Variants in IGF1R observed in about 807,000 individuals in gnomAD.
IGF1R encodes insulin-like growth factor 1 receptor.
IGF1R carries 44 observed loss-of-function variants against 144.6 expected under a neutral mutation model. That is an observed-to-expected ratio of 0.30 (90% confidence interval 0.24 to 0.39). The LOEUF (loss-of-function observed/expected upper bound fraction) is 0.39. Among genes scored for constraint, IGF1R ranks in the 10% least tolerant of loss-of-function variants. The pLI is 1.00. For synonymous variants in IGF1R, 795 were observed against 722.8 expected (o/e 1.10, Z -1.60); for missense variants, 1,355 against 1,833.7 (o/e 0.74, Z 4.77).
chr15:98,701,796 AC>A (rs1416108491), intron 1 of IGF1R, among the ~76,000 whole-genome samples: 1 of 152,170 alleles, frequency 6.6e-6, no homozygotes, highest in Non-Finnish European at 1.5e-5. Flanking sequence ...AGTAATATTT[AC>A]ATTGGGGCAA....
At chr15:98,725,139 G>T (rs1268572152) in intron 2 of IGF1R, among the ~76,000 whole-genome samples, 1 of 152,114 alleles carries the variant, frequency 6.6e-6, no homozygotes, top group African/African-American at 2.4e-5. Context: ...ACTCTCAGGG[G>T]CCCTGGATCT....
chr15:98,665,231 G>GT (rs1345003203), intron 1 of IGF1R, among the ~76,000 whole-genome samples: 1 of 152,116 alleles, frequency 6.6e-6, no homozygotes, highest in Non-Finnish European at 1.5e-5. Context: ...GATTAAAGGC[G>GT]TGAGCCACCG....
rs566367276 is a variant in IGF1R at position 98,938,221 on chromosome 15, T to C, written c.3298-980T>C. The stretch of plus-strand genomic sequence containing the variant: ...TCAGTGAAACCACTGTGATACCCCA[T>C]GTGGAAAAGCCTGGGCATGCTCAGC... On this transcript the variant is annotated intron_variant, in intron 17 of 20. Coordinates refer to ENST00000650285, the MANE Select transcript of IGF1R (RefSeq NM_000875.5). Among the ~76,000 whole-genome samples the C allele has an allele frequency of 2.6e-5, 4 of 152,306 alleles. No homozygotes were observed. In the South Asian group the frequency reaches 8.3e-4, roughly 32 times the overall value.
At chr15:98,663,535 C>T (rs1480918680) in intron 1 of IGF1R, among the ~76,000 whole-genome samples, 2 of 152,354 alleles carry the variant, frequency 1.3e-5, no homozygotes, top group African/African-American at 4.8e-5. Context: ...TGGAGTAATA[C>T]GCCCTCCTAT....
Position 98,829,558 on chromosome 15 carries a change from G to A in IGF1R, c.641-61767G>A, listed in dbSNP as rs76689836. On this transcript the variant is annotated intron_variant, in intron 2 of 20. Coordinates refer to ENST00000650285, the MANE Select transcript of IGF1R (RefSeq NM_000875.5). ...TGGGGGATGATGTCTGCTTTGCTTC[G>A]TTTTGTGGAATAATTTTTAACATTT... Among the ~76,000 whole-genome samples, 212 of 152,226 alleles carry A rather than the reference G, an allele frequency of 1.4e-3. 5 individuals are homozygous for A. The East Asian group carries it at 0.037, about 27-fold the overall frequency.
At chr15:98,684,087 C>G (rs78161927) in intron 1 of IGF1R, among the ~76,000 whole-genome samples, 1 of 152,074 alleles carries the variant, frequency 6.6e-6, no homozygotes, top group African/African-American at 2.4e-5. Context: ...TCACTTTGGA[C>G]GTGTGACAGC....
chr15:98,747,677 A>G (rs7176934), intron 2 of IGF1R, among the ~76,000 whole-genome samples: 19 of 152,116 alleles, frequency 1.2e-4, no homozygotes, highest in Non-Finnish European at 2.8e-4. Flanking sequence ...GGAGATTTTT[A>G]AAAAAGCCTC....
chr15:98,700,770 G>A (rs1364546348), intron 1 of IGF1R, among the ~76,000 whole-genome samples: 1 of 151,930 alleles, frequency 6.6e-6, no homozygotes, highest in Non-Finnish European at 1.5e-5. Flanking sequence ...CCTCTGCTTG[G>A]AGTACCCTGC....
intron 2 of IGF1R, among the ~76,000 whole-genome samples, chr15:98,810,211 C>G (rs1255370463): frequency 6.6e-6 from 1 of 152,120 alleles, no homozygotes; most frequent in South Asian, 2.1e-4. Flanking sequence ...GTGTACTGCT[C>G]TCTGCTTTCC....
intron 2 of IGF1R, among the ~76,000 whole-genome samples, chr15:98,720,878 T>A (rs1041311065): frequency 2.0e-5 from 3 of 152,236 alleles, no homozygotes; most frequent in African/African-American, 7.2e-5. Context: ...ATCCAGAATC[T>A]GAGCAGCCCG....
chr15:98,793,289 A>T (rs1386721799), intron 2 of IGF1R, among the ~76,000 whole-genome samples: 2 of 152,180 alleles, frequency 1.3e-5, no homozygotes, highest in African/African-American at 2.4e-5. Flanking sequence ...ACAAGTACTT[A>T]AAAAAAATCT....
chr15:98,792,970 G>C (rs1008674344), intron 2 of IGF1R, among the ~76,000 whole-genome samples: 1 of 152,146 alleles, frequency 6.6e-6, no homozygotes, highest in South Asian at 2.1e-4. Flanking sequence ...TTGCTGTATT[G>C]ATTTGTTGGG....
chr15:98,872,851 AAAAC>A (rs1242984273), intron 2 of IGF1R, among the ~76,000 whole-genome samples: 23 of 144,496 alleles, frequency 1.6e-4, no homozygotes, highest in Middle Eastern at 7.1e-3. Context: ...ATTAAAAAAA[AAAAC>A]AAAACAGACA....
At chr15:98,652,794 G>A (rs1212524370) in intron 1 of IGF1R, among the ~76,000 whole-genome samples, 1 of 152,068 alleles carries the variant, frequency 6.6e-6, no homozygotes, top group South Asian at 2.1e-4. Context: ...TGGGCACAGG[G>A]TTTCTTTTTG....
chr15:98,672,691 T>G (rs1008244252), intron 1 of IGF1R, among the ~76,000 whole-genome samples: 1 of 151,856 alleles, frequency 6.6e-6, no homozygotes, highest in Admixed American at 6.6e-5. Context: ...TTTTGAGAAA[T>G]ACAAAAACCT....
intron 2 of IGF1R, among the ~76,000 whole-genome samples, chr15:98,882,916 C>T (rs2013452920): frequency 6.6e-6 from 1 of 152,172 alleles, no homozygotes; most frequent in Non-Finnish European, 1.5e-5. Flanking sequence ...ACTAACCAGC[C>T]CTGCTGTGCA....
At chr15:98,676,950 TC>T (rs1029742654) in intron 1 of IGF1R, among the ~76,000 whole-genome samples, 3 of 152,130 alleles carry the variant, frequency 2.0e-5, no homozygotes, top group African/African-American at 7.2e-5. Flanking sequence ...TTTTTTTCAT[TC>T]CTGAGACAGG....
intron 2 of IGF1R, among the ~76,000 whole-genome samples, chr15:98,844,438 CA>C (rs2011238364): frequency 6.6e-6 from 1 of 151,898 alleles, no homozygotes; most frequent in African/African-American, 2.4e-5. Flanking sequence ...GACTCCCTGC[CA>C]AAAAAACTAT....
rs139314671 is a variant in IGF1R at position 98,951,724 on chromosome 15, C to T, written c.3722+3016C>T. Among the ~76,000 whole-genome samples the T allele has an allele frequency of 1.2e-3, 180 of 152,300 alleles. 1 individual carries two copies. Among genetic ancestry groups the T allele is most frequent in the African/African-American group, 4.0e-3 (167 of 41,572 alleles). The stretch of plus-strand genomic sequence containing the variant: ...TCGCCCTGTTCTACGTGGGCCTCTC[C>T]GTAGCACTGCCCAAGTGTCTCAGGA... On this transcript the variant is annotated intron_variant, in intron 20 of 20. Transcript: ENST00000650285.
Sources: gnomAD v4.1 joint callset for allele counts (sites outside exome capture counted in the v4.1 genomes callset) on GRCh38, gnomAD v4.1.1 for gene constraint, MANE v1.5 for transcripts, NCBI Gene and HGNC (gene_info 2026-07-23, HGNC 2026-07-21) for gene names.